RERE: variants seen among roughly 807,000 people sequenced by gnomAD.
RERE encodes arginine-glutamic acid dipeptide repeats, also known as arginine-glutamic acid dipeptide repeats protein.
RERE carries 40 observed loss-of-function variants against 146.1 expected under a neutral mutation model. That is an observed-to-expected ratio of 0.27 (90% confidence interval 0.21 to 0.36). The LOEUF (loss-of-function observed/expected upper bound fraction) is 0.36, where lower values mean the gene tolerates loss of function less well. RERE is among the 10% of genes least tolerant of loss of function. The probability of loss-of-function intolerance (pLI) is 1.00; values close to 1 mark genes in which losing one functional copy is unlikely to be tolerated. For missense variants in RERE, 1,933 were observed against 2,138.7 expected (o/e 0.90, Z 1.90); for synonymous variants, 1,003 against 866.0 (o/e 1.16, Z -2.78).
intron 11 of RERE, among the ~76,000 whole-genome samples, chr1:8,462,466 G>A (rs1644539371): frequency 6.6e-6 from 1 of 152,222 alleles, no homozygotes; most frequent in African/African-American, 2.4e-5. Flanking sequence ...GCCAGGAACC[G>A]AGCTGAGACT....
chr1:8,423,763 C>G lies in RERE; in HGVS notation c.1204-956G>C, dbSNP rs924285614. On this transcript the variant is annotated intron_variant, in intron 11 of 22. Transcript: ENST00000400908. This position sits in a 1 kb window ranked among gnomAD's most constrained non-coding sequence, Gnocchi z 5.4. ...CCCGGGGGGCGCGGGGCTGGGGCCG[C>G]CGCTGACGGGGGAGGAGGCAGGAGC... 1 of 876,388 alleles carries G rather than the reference C, an allele frequency of 1.1e-6. No individual in the cohort carries two copies. The highest frequency in any genetic ancestry group is 1.8e-5 in the African/African-American group (1 of 54,466). The allele number at this position is 876,388 out of a possible 1,614,324, so 54.3% of individuals were successfully genotyped here.
chr1:8,788,715 A>G (rs1312452424), intron 1 of RERE, among the ~76,000 whole-genome samples: 1 of 151,160 alleles, frequency 6.6e-6, no homozygotes, highest in Non-Finnish European at 1.5e-5. Flanking sequence ...AAGAAGTCCA[A>G]CCTTTATATT....
intron 7 of RERE, among the ~76,000 whole-genome samples, chr1:8,522,626 C>T (rs925411973): frequency 3.3e-5 from 5 of 152,138 alleles, no homozygotes; most frequent in African/African-American, 1.2e-4. Context: ...AATCCCAGCA[C>T]TTTGGGAGGC....
chr1:8,602,850 T>A (rs986822515), intron 4 of RERE, among the ~76,000 whole-genome samples: 6 of 152,174 alleles, frequency 3.9e-5, no homozygotes, highest in Admixed American at 3.9e-4. Context: ...AAAAAATCAA[T>A]CTGACTTTTC....
intron 1 of RERE, among the ~76,000 whole-genome samples, chr1:8,697,538 A>G (rs980624887): frequency 3.3e-5 from 5 of 151,760 alleles, no homozygotes; most frequent in South Asian, 2.1e-4. Flanking sequence ...GACTACAGGC[A>G]CCCGCCAACA....
At chr1:8,696,566 A>G (rs1639334911) in intron 1 of RERE, among the ~76,000 whole-genome samples, 1 of 151,998 alleles carries the variant, frequency 6.6e-6, no homozygotes, top group African/African-American at 2.4e-5. Context: ...ATGAGCTGAG[A>G]TTGTGCCACT....
In RERE at chr1:8,753,009, A is replaced by G. The variant is rs937261039; in HGVS notation, c.-145+64151T>C. ...TAATAGGCCTAAATGAGGAAGGATC[A>G]ATATTATTTTAATTTTTAAAGGTCT... On this transcript the variant is annotated intron_variant, in intron 1 of 22. Coordinates refer to ENST00000400908, the MANE Select transcript of RERE (RefSeq NM_001042681.2). Among the ~76,000 whole-genome samples, 3 of 152,322 alleles carry G rather than the reference A, an allele frequency of 2.0e-5. No homozygotes were observed. In the East Asian group the frequency reaches 5.8e-4, roughly 29 times the overall value.
At chr1:8,636,055 C>T (rs2124268081) in intron 2 of RERE, among the ~76,000 whole-genome samples, 1 of 152,264 alleles carries the variant, frequency 6.6e-6, no homozygotes, top group South Asian at 2.1e-4. Context: ...ATGGCGCGAT[C>T]TCAGCTCACC....
chr1:8,575,360 T>A (rs1646277597), intron 4 of RERE, among the ~76,000 whole-genome samples: 1 of 148,256 alleles, frequency 6.7e-6, no homozygotes. Flanking sequence ...TATTAACTGA[T>A]AACAAAGGAT....
chr1:8,631,652 T>G (rs1187069777), intron 2 of RERE, among the ~76,000 whole-genome samples: 2 of 152,238 alleles, frequency 1.3e-5, no homozygotes, highest in Non-Finnish European at 2.9e-5. Flanking sequence ...CTCCTTATTT[T>G]ACTCTGAAAA....
chr1:8,521,158 A>G (rs1645492502), intron 7 of RERE, among the ~76,000 whole-genome samples: 1 of 142,372 alleles, frequency 7.0e-6, no homozygotes, highest in South Asian at 2.2e-4. Flanking sequence ...AAATTATGGA[A>G]GTAGAGCTTC....
At chr1:8,499,309 A>G (rs1229377627) in intron 8 of RERE, among the ~76,000 whole-genome samples, 1 of 152,246 alleles carries the variant, frequency 6.6e-6, no homozygotes, top group Non-Finnish European at 1.5e-5. Flanking sequence ...AATTTTAAAT[A>G]TTCTAGTAGT....
chr1:8,656,517 C>G, intron 1 of RERE, 76 bp from the exon 2 acceptor site: 1 of 609,312 alleles, frequency 1.6e-6, no homozygotes, highest in Non-Finnish European at 2.6e-6. Flanking sequence ...AAATGAATCT[C>G]TTACTTATTC....
intron 12 of RERE, among the ~76,000 whole-genome samples, chr1:8,371,704 G>C (rs904293853): frequency 6.6e-6 from 1 of 152,230 alleles, no homozygotes; most frequent in African/African-American, 2.4e-5. Context: ...CATCAGCACA[G>C]GTCTTTAAGA....
At chr1:8,666,541 T>C (rs928546632) in intron 1 of RERE, among the ~76,000 whole-genome samples, 2 of 152,254 alleles carry the variant, frequency 1.3e-5, no homozygotes, top group African/African-American at 4.8e-5. Context: ...CTGTTGCCTT[T>C]CATATCAACA....
Position 8,354,819 on chromosome 1 carries a change from G to A in RERE, c.*268C>T. ...ACTAAAGCCAAACCCCAAGATTGCA[G>A]GGAAGCTTTCTGGATGTTCAGTCCA... On this transcript the variant is annotated 3_prime_UTR_variant, in exon 23 of 23. Coordinates refer to ENST00000400908, the MANE Select transcript of RERE (RefSeq NM_001042681.2). 2.1e-6 allele frequency: 1 copy of A among 473,910 alleles called. No homozygotes were observed. Among genetic ancestry groups the A allele is most frequent in the Non-Finnish European group, 3.7e-6 (1 of 271,702 alleles). The allele number at this position is 473,910 out of a possible 1,614,324, so 29.4% of individuals were successfully genotyped here. A position where few individuals can be genotyped will look rare whatever the true frequency, so the allele number is the denominator to read the frequency against.
chr1:8,584,623 G>A (rs1466546338), intron 4 of RERE, among the ~76,000 whole-genome samples: 4 of 152,078 alleles, frequency 2.6e-5, no homozygotes, highest in Non-Finnish European at 4.4e-5. Context: ...AAGGACTAGT[G>A]GTGAAGATGA....
intron 1 of RERE, among the ~76,000 whole-genome samples, chr1:8,795,321 GCCC>G (rs372411199): frequency 6.6e-6 from 1 of 151,444 alleles, no homozygotes; most frequent in African/African-American, 2.4e-5. Flanking sequence ...ACCGCCCCCG[GCCC>G]CCCACTTTTT....
intron 3 of RERE, among the ~76,000 whole-genome samples, chr1:8,617,826 CTT>C (rs1283291050): frequency 6.6e-6 from 1 of 152,156 alleles, no homozygotes; most frequent in Non-Finnish European, 1.5e-5. Flanking sequence ...AATGTTATGA[CTT>C]TGGCTACATT....
Sources: gnomAD v4.1 joint callset for allele counts (sites outside exome capture counted in the v4.1 genomes callset) on GRCh38, gnomAD v4.1.1 for gene constraint, Gnocchi (gnomAD v3.1) non-coding constraint, MANE v1.5 for transcripts, NCBI Gene and HGNC (gene_info 2026-07-23, HGNC 2026-07-21) for gene names.